PCM1: variants seen among roughly 807,000 people sequenced by gnomAD.
The protein encoded by PCM1 is pericentriolar material 1 protein.
Under a neutral mutation model 241.9 loss-of-function variants are expected in PCM1, and 157 were observed. That is an observed-to-expected ratio of 0.65 (90% CI 0.57 to 0.74). The LOEUF (loss-of-function observed/expected upper bound fraction) is 0.74. Ranked by LOEUF, PCM1 falls within the 30% of genes least tolerant of loss-of-function variation. PCM1 has a pLI of 0.00. For synonymous variants in PCM1, 1,085 were observed against 784.9 expected (o/e 1.38, Z -6.39); for missense variants, 3,478 against 2,360.1 (o/e 1.47, Z -9.81).
intron 2 of PCM1, chr8:17,926,905 T>C (rs11779988): frequency 0.47 from 71,072 of 151,818 alleles, 18,549 homozygotes; most frequent in Non-Finnish European, 0.61. Flanking sequence ...AGTATTGGAA[T>C]AGAGAAGATG....
chr8:18,019,058 G>A (rs1416370522), intron 36 of PCM1, among the ~76,000 whole-genome samples: 3 of 151,766 alleles, frequency 2.0e-5, no homozygotes, highest in African/African-American at 7.3e-5. Context: ...GGTTCACAGT[G>A]TAATCTTTCT....
intron 26 of PCM1, among the ~76,000 whole-genome samples, chr8:17,988,136 A>G (rs185949834): frequency 1.3e-5 from 2 of 151,938 alleles, no homozygotes; most frequent in East Asian, 1.9e-4. Flanking sequence ...CCTGCTCCCG[A>G]TGATAATAAA....
chr8:17,950,562 A>T (rs2065652917), intron 7 of PCM1, 53 bp from the exon 8 acceptor site: 1 of 880,426 alleles, frequency 1.1e-6, no homozygotes, highest in East Asian at 2.7e-5. Flanking sequence ...CTCAGAGATT[A>T]AAAAAGGTGT....
intron 2 of PCM1, among the ~76,000 whole-genome samples, chr8:17,935,284 T>C (rs1023164182): frequency 1.3e-5 from 2 of 152,232 alleles, no homozygotes; most frequent in African/African-American, 4.8e-5. Context: ...TTTCCTACTT[T>C]ATTGTTCTAC....
chr8:17,970,796 A>G (rs1017937968), intron 22 of PCM1, among the ~76,000 whole-genome samples: 3 of 152,162 alleles, frequency 2.0e-5, no homozygotes, highest in Admixed American at 6.6e-5. Context: ...CATTTTTAGG[A>G]TGGATCTGAA....
intron 29 of PCM1, among the ~76,000 whole-genome samples, chr8:17,998,809 C>T (rs1588154032): frequency 1.3e-5 from 2 of 152,070 alleles, no homozygotes; most frequent in African/African-American, 4.8e-5. Context: ...CAGATACTGT[C>T]CTTGAGCTTA....
intron 29 of PCM1, among the ~76,000 whole-genome samples, chr8:17,994,531 T>G (rs1039508472): frequency 5.9e-5 from 9 of 152,204 alleles, no homozygotes; most frequent in African/African-American, 1.9e-4. Context: ...CTGATGTCTT[T>G]TCTTTTCTGT....
intron 5 of PCM1, among the ~76,000 whole-genome samples, chr8:17,939,439 C>T (rs1318831983): frequency 6.6e-6 from 1 of 151,908 alleles, no homozygotes; most frequent in African/African-American, 2.4e-5. Context: ...TTTTCAGATA[C>T]TGTAGATTAA....
chr8:18,011,767 T>C lies in PCM1; in HGVS notation c.5451T>C (p.Asp1817=). ...AAGAATTTGAAGAAGGCCCTGTGGA[T>C]GTCCAGACTTCCCTCCAGGCTAACA... ...EMEEFEEGPV[D]VQTSLQANTE... Residue 1817 remains aspartate (D), a synonymous_variant, in exon 34 of 39, where the codon GAT becomes GAC. Coordinates refer to ENST00000325083, the MANE Select transcript of PCM1 (RefSeq NM_006197.4). 2.5e-6 allele frequency: 4 copies of C among 1,613,832 alleles called. No homozygotes were observed. The highest frequency in any genetic ancestry group is 3.4e-6 in the Non-Finnish European group (4 of 1,179,798).
intron 11 of PCM1, among the ~76,000 whole-genome samples, 186 bp from the exon 12 acceptor site, chr8:17,957,078 T>A (rs1410216854): frequency 6.6e-6 from 1 of 152,206 alleles, no homozygotes; most frequent in Non-Finnish European, 1.5e-5. Flanking sequence ...TTCAGATGTT[T>A]TTCTACTTAA....
At chr8:17,990,530 G>A (rs34134751) in intron 27 of PCM1, among the ~76,000 whole-genome samples, 70,044 of 149,468 alleles carry the variant, frequency 0.47, 18,463 homozygotes, top group Non-Finnish European at 0.62. Flanking sequence ...AAACAAAAGA[G>A]GTTTAGAGGG....
chr8:17,934,296 T>C (rs1429904471), intron 2 of PCM1, among the ~76,000 whole-genome samples: 1 of 151,376 alleles, frequency 6.6e-6, no homozygotes, highest in Admixed American at 6.6e-5. Flanking sequence ...GGTTTTTTGC[T>C]AGTCACCCAG....
intron 13 of PCM1, among the ~76,000 whole-genome samples, chr8:17,958,031 A>G (rs1169766211): frequency 6.6e-6 from 1 of 152,232 alleles, no homozygotes; most frequent in African/African-American, 2.4e-5. Context: ...AAAAGCAGCC[A>G]TACATAATAC....
intron 36 of PCM1, among the ~76,000 whole-genome samples, chr8:18,017,873 G>T (rs1340684805): frequency 6.6e-6 from 1 of 151,992 alleles, no homozygotes; most frequent in African/African-American, 2.4e-5. Context: ...AAGTTCCCAA[G>T]GGTTTGACTC....
chr8:17,926,993 T>C (rs971673327), intron 2 of PCM1: 1 of 152,148 alleles, frequency 6.6e-6, no homozygotes, highest in Non-Finnish European at 1.5e-5. Flanking sequence ...GGGAATGAAG[T>C]AGAAAGTGAA....
At chr8:17,983,986 A>T (rs942486054) in intron 24 of PCM1, among the ~76,000 whole-genome samples, 6 of 152,126 alleles carry the variant, frequency 3.9e-5, no homozygotes, top group African/African-American at 1.4e-4. Flanking sequence ...AACAAGATGG[A>T]ATTAGAGAAA....
rs765999995 is a variant in PCM1 at position 17,961,114 on chromosome 8, C to CT, written c.2322+671dup. On this transcript the variant is annotated intron_variant, in intron 15 of 38. Transcript: ENST00000325083. ...AAATCTTTAAGCCACCATAAGATAT[C>CT]TAAGGAAAATAACTGTATGTGGTTT... Among the ~76,000 whole-genome samples, 55 of 152,086 alleles carry CT rather than the reference C, an allele frequency of 3.6e-4. 2 individuals carry two copies. In the East Asian group the frequency reaches 5.0e-3, roughly 14 times the overall value.
At chr8:17,943,133 C>CTAGG (rs2062706689) in intron 6 of PCM1, among the ~76,000 whole-genome samples, 1 of 150,636 alleles carries the variant, frequency 6.6e-6, no homozygotes, top group Admixed American at 6.6e-5. Flanking sequence ...GGTTTATTAC[C>CTAGG]TAGGACTACA....
intron 35 of PCM1, 66 bp downstream of exon 35, chr8:18,014,102 A>C: frequency 1.2e-6 from 1 of 838,652 alleles, no homozygotes; most frequent in South Asian, 1.7e-5. Flanking sequence ...AGCTAAAAAA[A>C]AAAAAAAAAC....
Sources: gnomAD v4.1 joint callset for allele counts (sites outside exome capture counted in the v4.1 genomes callset) on GRCh38, gnomAD v4.1.1 for gene constraint, MANE v1.5 for transcripts, NCBI Gene and HGNC (gene_info 2026-07-23, HGNC 2026-07-21) for gene names.